TENM2: variants seen among roughly 807,000 people sequenced by gnomAD.
The protein encoded by TENM2 is teneurin-2.
A neutral mutation model predicts 245.2 loss-of-function variants in TENM2; 52 were observed. That is an observed-to-expected ratio of 0.21 (90% CI 0.17 to 0.27). The LOEUF (loss-of-function observed/expected upper bound fraction) is 0.27. Among genes scored for constraint, TENM2 ranks in the 10% least tolerant of loss-of-function variants. TENM2 has a pLI of 1.00. For missense variants in TENM2, 3,046 were observed against 3,666.8 expected, an observed-to-expected ratio of 0.83 and a Z score of 4.37; for synonymous variants, 1,363 against 1,438.9, an observed-to-expected ratio of 0.95 and a Z score of 1.19.
At chr5:167,187,843 T>C in the TENM2 span, among the ~76,000 whole-genome samples, 1 of 152,146 alleles carries the variant, frequency 6.6e-6, no homozygotes, top group Non-Finnish European at 1.5e-5. Context: ...ATTGCTGCTG[T>C]TCTGATTTTC....
At chr5:167,237,988 C>T in the TENM2 span, among the ~76,000 whole-genome samples, 48 of 123,510 alleles carry the variant, frequency 3.9e-4, no homozygotes, top group African/African-American at 1.4e-3. Flanking sequence ...CCAGCCTGGG[C>T]GACAGAGTGA....
At chr5:167,104,665 T>G in the TENM2 span, among the ~76,000 whole-genome samples, 1 of 152,160 alleles carries the variant, frequency 6.6e-6, no homozygotes, top group Non-Finnish European at 1.5e-5. Flanking sequence ...ATTTTGATGT[T>G]TTTATGGGTG....
intron 7 of TENM2, among the ~76,000 whole-genome samples, chr5:168,068,681 G>GA (rs1291909250): frequency 7.2e-5 from 11 of 151,748 alleles, no homozygotes; most frequent in Non-Finnish European, 1.3e-4. Flanking sequence ...TACTTTTATC[G>GA]AAAAAAACAT....
At chr5:167,737,766 A>G (rs2150579238) in intron 2 of TENM2, among the ~76,000 whole-genome samples, 1 of 152,370 alleles carries the variant, frequency 6.6e-6, no homozygotes, top group Admixed American at 6.5e-5. Flanking sequence ...GTATTTAGAA[A>G]GGACCCAAAG....
At chr5:167,054,836 G>T in the TENM2 span, among the ~76,000 whole-genome samples, 1 of 152,020 alleles carries the variant, frequency 6.6e-6, no homozygotes, top group Non-Finnish European at 1.5e-5. Context: ...CTTTGGTGAG[G>T]TGTCTGTTTA....
chr5:167,076,187 G>A, the TENM2 span, among the ~76,000 whole-genome samples: 3 of 152,170 alleles, frequency 2.0e-5, no homozygotes, highest in South Asian at 4.2e-4. Flanking sequence ...TTCCATGTTG[G>A]ATTCAGAGAA....
At chr5:167,227,035 G>T in the TENM2 span, among the ~76,000 whole-genome samples, 3 of 142,612 alleles carry the variant, frequency 2.1e-5, no homozygotes, top group Non-Finnish European at 4.6e-5. Context: ...CTGTCTTTTC[G>T]TTTCTATTTG....
At chr5:167,586,241 G>A (rs1775489068) in intron 2 of TENM2, among the ~76,000 whole-genome samples, 1 of 152,186 alleles carries the variant, frequency 6.6e-6, no homozygotes, top group South Asian at 2.1e-4. Context: ...GTAATCTAGA[G>A]ATGATTTAAA....
chr5:167,155,003 A>T, the TENM2 span, among the ~76,000 whole-genome samples: 1 of 152,208 alleles, frequency 6.6e-6, no homozygotes, highest in Non-Finnish European at 1.5e-5. Flanking sequence ...GAGCCTAATT[A>T]CATCATAACT....
intron 5 of TENM2, among the ~76,000 whole-genome samples, chr5:168,047,213 C>G (rs1185469437): frequency 1.3e-5 from 2 of 152,136 alleles, no homozygotes; most frequent in South Asian, 2.1e-4. Context: ...ATCCTCTCCC[C>G]CTGAGACTGT....
intron 25 of TENM2, among the ~76,000 whole-genome samples, chr5:168,236,279 G>A (rs1765419227): frequency 6.6e-6 from 1 of 152,016 alleles, no homozygotes; most frequent in Admixed American, 6.6e-5. Flanking sequence ...AGCTTATTCC[G>A]GTCATCTGGG....
intron 23 of TENM2, among the ~76,000 whole-genome samples, chr5:168,221,305 A>G (rs566392069): frequency 1.6e-4 from 24 of 152,168 alleles, no homozygotes; most frequent in African/African-American, 5.1e-4. Context: ...GTGTTGTCAC[A>G]GTGACTGTCT....
chr5:168,157,921 G>A (rs992625300), intron 12 of TENM2, among the ~76,000 whole-genome samples: 1 of 151,874 alleles, frequency 6.6e-6, no homozygotes, highest in South Asian at 2.1e-4. Context: ...TGTTGTTGGT[G>A]TTGTTGTTGT....
rs777170514 is a variant in TENM2, at chr5:167,853,289, CAAAAAAAAAAAA to C, written c.503-22685_503-22674del. On this transcript the variant is annotated intron_variant, in intron 2 of 28. Transcript: ENST00000518659. ...TGGGAGACAGAGCGAGACTCCGTCT[CAAAAAAAAAAAA>C]AAAAAAAAAAAGAAAGTGATCGGGC... is the stretch of plus-strand genomic sequence containing the variant. Among the ~76,000 whole-genome samples, 6 of 24,622 alleles carry C rather than the reference CAAAAAAAAAAAA, an allele frequency of 2.4e-4. No homozygotes were observed. In the East Asian group the frequency reaches 3.9e-3, roughly 16 times the overall value. The allele number at this position is 24,622 out of a possible 152,430, so 16.2% of individuals were successfully genotyped here.
rs578164672 is a variant in TENM2 at position 167,550,873 on chromosome 5, C to T, written c.502+175400C>T. On this transcript the variant is annotated intron_variant, in intron 2 of 28. Transcript: ENST00000518659. ...GCCTCCAAGTAGCTGGGACTACAGGCATGAGCTTCCACGCTTGGCTAATTT... is the reference window on the plus strand; with the variant it reads ...GCCTCCAAGTAGCTGGGACTACAGGTATGAGCTTCCACGCTTGGCTAATTT... Among the ~76,000 whole-genome samples, 5 of 152,104 alleles carry T rather than the reference C, an allele frequency of 3.3e-5. No individual in the cohort carries two copies. In the East Asian group the frequency reaches 9.7e-4, roughly 30 times the overall value.
At chr5:167,683,243 C>A (rs1433598228) in intron 2 of TENM2, among the ~76,000 whole-genome samples, 1 of 132,428 alleles carries the variant, frequency 7.6e-6, no homozygotes, top group Non-Finnish European at 1.5e-5. Context: ...ACATGAAGGA[C>A]CATGTCTTTT....
chr5:167,501,230 A>G (rs1388255953), intron 2 of TENM2, among the ~76,000 whole-genome samples: 1 of 152,086 alleles, frequency 6.6e-6, no homozygotes, highest in African/African-American at 2.4e-5. Context: ...TCTCAATCCA[A>G]ATCACATGGC....
chr5:167,024,412 T>C, the TENM2 span, among the ~76,000 whole-genome samples: 2 of 152,214 alleles, frequency 1.3e-5, no homozygotes, highest in Non-Finnish European at 2.9e-5. Context: ...TCTCTTCTCC[T>C]ACAGTTTGCA....
chr5:167,118,660 G>A, the TENM2 span, among the ~76,000 whole-genome samples: 29 of 152,284 alleles, frequency 1.9e-4, no homozygotes, highest in Middle Eastern at 3.4e-3. Context: ...AAAGAGAGTT[G>A]CTTCTTGGGG....
Sources: gnomAD v4.1 joint callset for allele counts (sites outside exome capture counted in the v4.1 genomes callset) on GRCh38, gnomAD v4.1.1 for gene constraint, MANE v1.5 for transcripts, NCBI Gene and HGNC (gene_info 2026-07-23, HGNC 2026-07-21) for gene names.